Variants in ARID5B observed in about 807,000 individuals in gnomAD.
ARID5B encodes the protein AT-rich interactive domain-containing protein 5B.
A neutral mutation model predicts 97.2 loss-of-function variants in ARID5B; 13 were observed. The ratio of observed to expected loss-of-function variants is 0.13; its 90% CI spans 0.09 to 0.21. ARID5B has a LOEUF of 0.21. ARID5B is among the 10% of genes least tolerant of loss of function. The pLI is 1.00. For missense variants in ARID5B, 1,210 were observed against 1,465.3 expected (o/e 0.83, Z 2.84); for synonymous variants, 556 against 570.3 (o/e 0.97, Z 0.36).
chr10:61,954,633 G>T (rs988190111), intron 3 of ARID5B, among the ~76,000 whole-genome samples: 4 of 152,136 alleles, frequency 2.6e-5, no homozygotes, highest in African/African-American at 9.7e-5. Flanking sequence ...TATTGGATGT[G>T]CATGAGTAGG....
At chr10:62,086,206 G>A (rs1840277678) in intron 9 of ARID5B, among the ~76,000 whole-genome samples, 1 of 152,222 alleles carries the variant, frequency 6.6e-6, no homozygotes, top group Admixed American at 6.5e-5. Context: ...AGGGTCCAGA[G>A]CCACACTAAC....
intron 3 of ARID5B, among the ~76,000 whole-genome samples, chr10:61,971,136 G>A (rs1202631668): frequency 1.3e-5 from 2 of 152,102 alleles, no homozygotes; most frequent in Non-Finnish European, 2.9e-5. Flanking sequence ...AAACATATTT[G>A]GTTTACTTTA....
At chr10:62,051,302 T>C (rs940510622) in intron 5 of ARID5B, among the ~76,000 whole-genome samples, 1 of 152,214 alleles carries the variant, frequency 6.6e-6, no homozygotes, top group African/African-American at 2.4e-5. Context: ...TGAGATTTCA[T>C]AGTGGGTGAC....
chr10:61,935,965 A>G (rs536140928), intron 2 of ARID5B, among the ~76,000 whole-genome samples: 1 of 152,304 alleles, frequency 6.6e-6, no homozygotes, highest in South Asian at 2.1e-4. Flanking sequence ...AAACCCTACT[A>G]TATATACACT....
chr10:62,089,291 C>T (rs765424601), intron 9 of ARID5B, among the ~76,000 whole-genome samples: 3 of 151,674 alleles, frequency 2.0e-5, no homozygotes, highest in Non-Finnish European at 1.5e-5. Flanking sequence ...AGCAAAGTCT[C>T]TTAGGTATAA....
At chr10:61,908,685 AG>A (rs1328145614) in intron 2 of ARID5B, among the ~76,000 whole-genome samples, 2 of 151,614 alleles carry the variant, frequency 1.3e-5, no homozygotes, top group Admixed American at 6.6e-5. Flanking sequence ...CTGTAGTCCC[AG>A]CTACTTGGGA....
At chr10:61,991,713 T>C (rs1838927834) in intron 3 of ARID5B, among the ~76,000 whole-genome samples, 1 of 152,210 alleles carries the variant, frequency 6.6e-6, no homozygotes, top group Admixed American at 6.5e-5. Context: ...TTTTCTTATG[T>C]GCTTTTGGTA....
intron 4 of ARID5B, among the ~76,000 whole-genome samples, chr10:62,029,159 G>C (rs1000582575): frequency 2.0e-5 from 3 of 152,138 alleles, no homozygotes; most frequent in African/African-American, 7.2e-5. Flanking sequence ...GAATATTGCA[G>C]AGCCACACTA....
intron 4 of ARID5B, among the ~76,000 whole-genome samples, chr10:62,008,085 C>T (rs1564626281): frequency 1.4e-5 from 2 of 143,538 alleles, no homozygotes; most frequent in African/African-American, 5.2e-5. Context: ...CACACACACA[C>T]ACACACACAC....
intron 3 of ARID5B, among the ~76,000 whole-genome samples, chr10:61,974,686 T>C (rs1056175428): frequency 2.6e-5 from 4 of 152,218 alleles, no homozygotes; most frequent in Non-Finnish European, 5.9e-5. Flanking sequence ...GCAGACACAC[T>C]GGAAATTTAC....
intron 3 of ARID5B, 24 bp downstream of exon 3, chr10:61,940,432 A>G (rs1364776049): frequency 6.9e-6 from 11 of 1,591,736 alleles, no homozygotes; most frequent in Non-Finnish European, 8.6e-6. Context: ...GTAATTTTAA[A>G]TCTAATGTGT....
rs1445010704 is a variant in ARID5B at position 62,091,760 on chromosome 10, G to C, written c.2297G>C (p.Arg766Thr). Residue 766 changes from arginine (R) to threonine (T), a missense_variant, in exon 10 of 10, where the codon AGA becomes ACA. Transcript: ENST00000279873. ...TTCAGAAGCAAGCCCTCGGAAGAGA[G>C]AAAGACCATCAATGACATCTTTAAG... ...QSFRSKPSEE[R>T]KTINDIFKHE... The C allele has an allele frequency of 1.2e-6, 2 of 1,614,118 alleles. No individual in the cohort carries two copies. The highest frequency in any genetic ancestry group is 2.2e-5 in the South Asian group (2 of 91,082).
At chr10:62,045,227 C>T (rs1376370909) in intron 4 of ARID5B, among the ~76,000 whole-genome samples, 1 of 152,158 alleles carries the variant, frequency 6.6e-6, no homozygotes, top group African/African-American at 2.4e-5. Flanking sequence ...TTAGGAGTGG[C>T]TTTGATCAAG....
chr10:61,904,304 T>C (rs548352001), intron 2 of ARID5B, among the ~76,000 whole-genome samples: 1 of 152,036 alleles, frequency 6.6e-6, no homozygotes, highest in East Asian at 1.9e-4. Flanking sequence ...AATTGGGATG[T>C]TTTTTAAAGA....
chr10:62,074,598 C>T (rs1445047269), intron 8 of ARID5B, among the ~76,000 whole-genome samples: 1 of 152,172 alleles, frequency 6.6e-6, no homozygotes, highest in Non-Finnish European at 1.5e-5. Flanking sequence ...CCTAATCATA[C>T]CATGGATAAA....
intron 2 of ARID5B, among the ~76,000 whole-genome samples, chr10:61,925,742 G>A (rs1241150914): frequency 6.6e-6 from 1 of 152,182 alleles, no homozygotes; most frequent in Non-Finnish European, 1.5e-5. Flanking sequence ...AGGGGAGCAG[G>A]CTGCAGCCGA....
At chr10:61,911,575 C>T (rs559065341) in intron 2 of ARID5B, among the ~76,000 whole-genome samples, 21 of 152,230 alleles carry the variant, frequency 1.4e-4, no homozygotes, top group African/African-American at 3.9e-4. Flanking sequence ...CAATCTTATT[C>T]AAAATAATAG....
intron 4 of ARID5B, among the ~76,000 whole-genome samples, chr10:62,026,931 T>C (rs1212617927): frequency 6.6e-6 from 1 of 152,190 alleles, no homozygotes; most frequent in Admixed American, 6.5e-5. Context: ...AATAGGCAAC[T>C]TCAGCCTGCA....
intron 4 of ARID5B, among the ~76,000 whole-genome samples, chr10:62,039,331 G>A (rs540809931): frequency 2.6e-5 from 4 of 152,340 alleles, no homozygotes; most frequent in Non-Finnish European, 4.4e-5. Flanking sequence ...TTTCATTGAT[G>A]TTGCAGAAAT....
Sources: allele counts gnomAD v4.1 joint callset (sites outside exome capture counted in the v4.1 genomes callset), GRCh38; gene constraint gnomAD v4.1.1; transcripts MANE v1.5; gene names NCBI Gene and HGNC (gene_info 2026-07-23, HGNC 2026-07-21).